The following DNMT3A variants were observed in gnomAD, a reference collection of about 807,000 sequenced individuals.
DNMT3A encodes DNA (cytosine-5)-methyltransferase 3A.
Under a neutral mutation model 117.6 loss-of-function variants are expected in DNMT3A, and 267 were observed. That is an observed-to-expected ratio of 2.27 (90% confidence interval 2.05 to 2.51). The LOEUF (loss-of-function observed/expected upper bound fraction) is 2.51. Ranked by LOEUF, DNMT3A falls within the 30% of genes most tolerant of loss-of-function variation. The pLI, the probability that DNMT3A is intolerant of heterozygous loss-of-function variation, is 0.00. For synonymous variants in DNMT3A, 432 were observed against 474.8 expected, an observed-to-expected ratio of 0.91 and a Z score of 1.17; for missense variants, 1,029 against 1,260.2, an observed-to-expected ratio of 0.82 and a Z score of 2.78.
intron 6 of DNMT3A, among the ~76,000 whole-genome samples, chr2:25,250,197 C>CAGGTTAAG (rs1346572710): frequency 6.6e-6 from 1 of 152,212 alleles, no homozygotes; most frequent in African/African-American, 2.4e-5. Context: ...CCAAGGGTCC[C>CAGGTTAAG]AGGTTAAGAA....
chr2:25,328,714 C>G lies in DNMT3A; in HGVS notation c.-178+13112G>C, dbSNP rs555760713. The G allele has an allele frequency of 6.4e-5, 33 of 511,878 alleles. No individual in the cohort carries two copies. In the East Asian group the frequency reaches 1.0e-3, roughly 16 times the overall value. The allele number at this position is 511,878 out of a possible 1,614,324, so 31.7% of individuals were successfully genotyped here. A position where few individuals can be genotyped will look rare whatever the true frequency, so the allele number is the denominator to read the frequency against. On this transcript the variant is annotated intron_variant, in intron 1 of 22. Coordinates refer to ENST00000321117, the MANE Select transcript of DNMT3A (RefSeq NM_022552.5). ...TGCTGCGGTGCCTAGAGCGACCCCC[C>G]ACAATCCCCATTCTAGGGGTCGCTT...
intron 1 of DNMT3A, among the ~76,000 whole-genome samples, chr2:25,317,782 C>A (rs1413899434): frequency 1.3e-5 from 2 of 152,262 alleles, no homozygotes; most frequent in East Asian, 1.9e-4. Flanking sequence ...GTTGCCCAGG[C>A]TGGAGTGCAA....
At chr2:25,341,771 G>A in intron 1 of DNMT3A, 55 bp downstream of exon 1, 1 of 972,306 alleles carries the variant, frequency 1.0e-6, no homozygotes, top group South Asian at 4.7e-5. Context: ...CGGCTCCCCG[G>A]CTCCCCGCCG....
intron 1 of DNMT3A, among the ~76,000 whole-genome samples, chr2:25,328,898 G>A (rs2034899547): frequency 6.6e-6 from 1 of 152,112 alleles, no homozygotes; most frequent in African/African-American, 2.4e-5. Flanking sequence ...ACAGGAATCA[G>A]GGGGGCTGAG....
chr2:25,237,046 T>A lies in DNMT3A; in HGVS notation c.2409-41A>T, dbSNP rs1253290529. ...GAGACTGTAACAACAGAAACCTGGATAACAGCGGGAAGGGCCCCAGCTGCA... is the reference window on the plus strand; with the variant it reads ...GAGACTGTAACAACAGAAACCTGGAAAACAGCGGGAAGGGCCCCAGCTGCA... On this transcript the variant is annotated intron_variant, in intron 20 of 22. Coordinates refer to ENST00000321117, the MANE Select transcript of DNMT3A (RefSeq NM_022552.5). This position sits in a 1 kb window ranked among gnomAD's most constrained non-coding sequence, Gnocchi z 5.4. The A allele has an allele frequency of 3.7e-6, 6 of 1,606,884 alleles. No individual in the cohort carries two copies. The East Asian group carries it at 8.9e-5, about 24-fold the overall frequency.
chr2:25,258,086 A>G (rs1168357955), intron 6 of DNMT3A, among the ~76,000 whole-genome samples: 1 of 152,202 alleles, frequency 6.6e-6, no homozygotes, highest in African/African-American at 2.4e-5. Flanking sequence ...TGTGATTTCA[A>G]ACCAAAGCCT....
chr2:25,318,466 T>C (rs2034466645), intron 1 of DNMT3A, among the ~76,000 whole-genome samples: 1 of 151,904 alleles, frequency 6.6e-6, no homozygotes. Flanking sequence ...CTTGTATTTT[T>C]AGTAGAGACA....
intron 1 of DNMT3A, among the ~76,000 whole-genome samples, chr2:25,326,108 ATGTG>A (rs61521265): frequency 0.16 from 23,163 of 142,200 alleles, 2,091 homozygotes; most frequent in African/African-American, 0.25. Context: ...CTTGATATAT[ATGTG>A]TGTGTGTGTG....
At chr2:25,331,962 C>T (rs917548322) in intron 1 of DNMT3A, among the ~76,000 whole-genome samples, 2 of 151,628 alleles carry the variant, frequency 1.3e-5, no homozygotes, top group Admixed American at 6.6e-5. Context: ...GAGCTAGAAA[C>T]CAGACAGCCA....
rs1573448023 is a variant in DNMT3A at position 25,296,291 on chromosome 2, C to T, written c.177+3848G>A. Among the ~76,000 whole-genome samples, 1 of 152,092 alleles carries T rather than the reference C, an allele frequency of 6.6e-6. No individual in the cohort carries two copies. The highest frequency in any genetic ancestry group is 2.1e-4 in the South Asian group (1 of 4,822). ...GCTTCATTTTCAGGCTAGGTTCTAC[C>T]GGGCTGTGGTGCTGGGGCAGGCGGA... On this transcript the variant is annotated intron_variant, in intron 3 of 22. Transcript: ENST00000321117. The surrounding 1 kb of genome is among the most constrained non-coding windows in gnomAD (Gnocchi z 4.2).
chr2:25,305,920 C>A lies in DNMT3A; in HGVS notation c.73-5677G>T, dbSNP rs560585650. ...AAACCGGATGCTACTGACCCAGCAT[C>A]GGTTGAGCAGATGTCTCGAGTTGGT... On this transcript the variant is annotated intron_variant, in intron 2 of 22. Transcript: ENST00000321117. This position sits in a 1 kb window ranked among gnomAD's most constrained non-coding sequence, Gnocchi z 4.1. Among the ~76,000 whole-genome samples the A allele has an allele frequency of 6.6e-6, 1 of 152,226 alleles. No individual in the cohort carries two copies. Among genetic ancestry groups the A allele is most frequent in the African/African-American group, 2.4e-5 (1 of 41,446 alleles).
rs1673039185 is a variant in DNMT3A at position 25,233,985 on chromosome 2, A to G, written c.*294T>C. 3.5e-6 allele frequency: 1 copy of G among 288,468 alleles called. No homozygotes were observed. Among genetic ancestry groups the G allele is most frequent in the Non-Finnish European group, 6.4e-6 (1 of 156,046 alleles). 17.9% of individuals were successfully genotyped at this position (288,468 alleles called of 1,614,324 possible). ...AAAACCCCTCTGAAAAGAGTAGAAA[A>G]TAAAAGGTCTGACCGAAAAAAAAGG... On this transcript the variant is annotated 3_prime_UTR_variant, in exon 23 of 23. Transcript: ENST00000321117.
intron 4 of DNMT3A, among the ~76,000 whole-genome samples, chr2:25,279,719 C>T (rs1386472042): frequency 1.3e-5 from 2 of 151,448 alleles, no homozygotes; most frequent in African/African-American, 2.4e-5. Context: ...TGGAGTCTCA[C>T]TCTATTGCCC....
In DNMT3A at chr2:25,252,303, TG is replaced by T; in HGVS notation, c.640-4052del. 3.2e-5 allele frequency: 1 copy of T among 31,168 alleles called. No homozygotes were observed. The highest frequency in any genetic ancestry group is 7.1e-4 in the East Asian group (1 of 1,412). 1.9% of individuals were successfully genotyped at this position (31,168 alleles called of 1,614,324 possible). On this transcript the variant is annotated intron_variant, in intron 6 of 22. Transcript: ENST00000321117. The surrounding 1 kb of genome is among the most constrained non-coding windows in gnomAD (Gnocchi z 5.5). ...GGGGAGGGGAAGGGGGCGATGGGGC[TG>T]GGGGCGGAGGGGGCCACTGGGAGGG...
chr2:25,269,171 A>G (rs1573391491), intron 6 of DNMT3A, among the ~76,000 whole-genome samples: 1 of 152,106 alleles, frequency 6.6e-6, no homozygotes, highest in African/African-American at 2.4e-5. Context: ...AAAATATAAA[A>G]ATTAGCTGGG....
chr2:25,292,936 C>G (rs1350952883), intron 3 of DNMT3A, among the ~76,000 whole-genome samples: 3 of 151,938 alleles, frequency 2.0e-5, no homozygotes, highest in Non-Finnish European at 2.9e-5. Flanking sequence ...AGGCCAGGAC[C>G]TGTGGGAATG....
chr2:25,268,754 G>GCCA (rs2030597787), intron 6 of DNMT3A, among the ~76,000 whole-genome samples: 2 of 152,112 alleles, frequency 1.3e-5, no homozygotes, highest in Admixed American at 6.5e-5. Flanking sequence ...CAGTCCCCAT[G>GCCA]CCATCCTCCA....
chr2:25,249,769 T>C, intron 6 of DNMT3A: 1 of 1,606,362 alleles, frequency 6.2e-7, no homozygotes, highest in Non-Finnish European at 8.5e-7. Context: ...CTGAGAACCA[T>C]TAGCCTTTTA....
intron 6 of DNMT3A, among the ~76,000 whole-genome samples, chr2:25,272,803 C>CTTTTTTTTT (rs1217338234): frequency 1.5e-5 from 2 of 130,698 alleles, no homozygotes; most frequent in Non-Finnish European, 3.3e-5. Flanking sequence ...TGCACTTTCT[C>CTTTTTTTTT]TTTTTTTTTT....
Sources: allele counts gnomAD v4.1 joint callset (sites outside exome capture counted in the v4.1 genomes callset), GRCh38; gene constraint gnomAD v4.1.1; non-coding constraint Gnocchi (gnomAD v3.1); transcripts MANE v1.5; gene names NCBI Gene and HGNC (gene_info 2026-07-23, HGNC 2026-07-21).